The following TANGO6 variants were observed in gnomAD, a reference collection of about 807,000 sequenced individuals.
The protein encoded by TANGO6 is transport and golgi organization 6 homolog.
Under a neutral mutation model 114.2 loss-of-function variants are expected in TANGO6, and 90 were observed. The ratio of observed to expected loss-of-function variants is 0.79; its 90% CI spans 0.66 to 0.94. The LOEUF is 0.94. Among genes scored for constraint, TANGO6 ranks in the 40% least tolerant of loss-of-function variants. The pLI, the probability that TANGO6 is intolerant of heterozygous loss-of-function variation, is 0.00. For missense variants in TANGO6, 1,274 were observed against 1,315.3 expected (o/e 0.97, Z 0.49); for synonymous variants, 477 against 509.8 (o/e 0.94, Z 0.87).
chr16:69,009,940 G>A (rs1415925587), intron 15 of TANGO6, among the ~76,000 whole-genome samples: 1 of 152,186 alleles, frequency 6.6e-6, no homozygotes, highest in African/African-American at 2.4e-5. Flanking sequence ...TACTAAGAGC[G>A]AAATGGGTGT....
intron 7 of TANGO6, among the ~76,000 whole-genome samples, chr16:68,892,515 T>G (rs1962637372): frequency 6.6e-6 from 1 of 151,142 alleles, no homozygotes; most frequent in Non-Finnish European, 1.5e-5. Flanking sequence ...GTCTTTCTTT[T>G]TTTTTTTTTT....
At chr16:69,074,906 G>A (rs1960351575) in intron 17 of TANGO6, among the ~76,000 whole-genome samples, 1 of 151,464 alleles carries the variant, frequency 6.6e-6, no homozygotes, top group Admixed American at 6.6e-5. Context: ...AGTGTGAGGT[G>A]GCGCCATTCT....
intron 14 of TANGO6, among the ~76,000 whole-genome samples, chr16:68,967,864 G>C (rs534922658): frequency 1.1e-3 from 162 of 152,212 alleles, no homozygotes; most frequent in South Asian, 2.5e-3. Flanking sequence ...CCCTGTTAAT[G>C]CAAGAGTACT....
intron 1 of TANGO6, among the ~76,000 whole-genome samples, chr16:68,851,611 A>G (rs931976838): frequency 5.9e-5 from 9 of 152,218 alleles, no homozygotes; most frequent in East Asian, 1.9e-4. Flanking sequence ...TAATTTAAGA[A>G]GTACTGCAAT....
intron 14 of TANGO6, among the ~76,000 whole-genome samples, chr16:68,964,812 C>T (rs1963628944): frequency 1.3e-5 from 2 of 152,026 alleles, no homozygotes; most frequent in East Asian, 1.9e-4. Context: ...GTGATTCTTT[C>T]ACCCACCTCA....
At chr16:68,873,133 C>T (rs1055294525) in intron 4 of TANGO6, among the ~76,000 whole-genome samples, 12 of 151,548 alleles carry the variant, frequency 7.9e-5, no homozygotes, top group Non-Finnish European at 1.8e-4. Context: ...CCCAAAGAAG[C>T]CCTCATACTC....
intron 12 of TANGO6, among the ~76,000 whole-genome samples, chr16:68,925,790 A>G (rs1238123335): frequency 6.6e-6 from 1 of 151,776 alleles, no homozygotes; most frequent in African/African-American, 2.4e-5. Context: ...TTTTTGTGCA[A>G]GGTGCAAGGT....
At chr16:69,051,624 A>G (rs1239895048) in intron 17 of TANGO6, among the ~76,000 whole-genome samples, 1 of 152,214 alleles carries the variant, frequency 6.6e-6, no homozygotes, top group Non-Finnish European at 1.5e-5. Flanking sequence ...CAGAGGTTGC[A>G]GTGAGCTGAG....
chr16:69,027,550 T>C (rs1454257259), intron 16 of TANGO6, among the ~76,000 whole-genome samples: 1 of 152,140 alleles, frequency 6.6e-6, no homozygotes, highest in East Asian at 1.9e-4. Context: ...TTAGCAAATA[T>C]CTTGTTCTTT....
chr16:69,027,685 T>C (rs988362422), intron 16 of TANGO6, among the ~76,000 whole-genome samples: 45 of 152,148 alleles, frequency 3.0e-4, no homozygotes, highest in Non-Finnish European at 5.9e-5. Context: ...CATTTTTTTT[T>C]CTCTATTTTC....
chr16:68,848,272 CT>C (rs1264036296), intron 1 of TANGO6, among the ~76,000 whole-genome samples: 2 of 151,914 alleles, frequency 1.3e-5, no homozygotes, highest in African/African-American at 2.4e-5. Flanking sequence ...GACAGCTTTC[CT>C]TTTATTCTTT....
chr16:68,994,125 G>A (rs541123084), intron 15 of TANGO6, among the ~76,000 whole-genome samples: 1 of 152,328 alleles, frequency 6.6e-6, no homozygotes, highest in South Asian at 2.1e-4. Context: ...CGTAACTATA[G>A]AAGTCCTGGC....
intron 14 of TANGO6, among the ~76,000 whole-genome samples, chr16:68,957,634 A>G (rs954389539): frequency 2.0e-5 from 3 of 151,734 alleles, no homozygotes; most frequent in African/African-American, 7.3e-5. Context: ...CCCAACCTCA[A>G]ATCATCTGCC....
chr16:68,869,688 T>TTTCC (rs1178548399), intron 4 of TANGO6, among the ~76,000 whole-genome samples: 1 of 152,196 alleles, frequency 6.6e-6, no homozygotes, highest in African/African-American at 2.4e-5. Context: ...TGCCTGTTAG[T>TTTCC]TTCCTATTGT....
chr16:68,938,107 T>C (rs535123484), intron 14 of TANGO6, among the ~76,000 whole-genome samples: 3 of 152,342 alleles, frequency 2.0e-5, no homozygotes, highest in Non-Finnish European at 2.9e-5. Flanking sequence ...ATACTTGTTA[T>C]TGTCTGTCTT....
chr16:68,851,794 AGT>A (rs1240379776), intron 1 of TANGO6, among the ~76,000 whole-genome samples: 1 of 152,132 alleles, frequency 6.6e-6, no homozygotes, highest in Non-Finnish European at 1.5e-5. Context: ...AATGTATGAG[AGT>A]GTGTGTTTCC....
intron 1 of TANGO6, among the ~76,000 whole-genome samples, chr16:68,848,197 T>C (rs1961846333): frequency 6.6e-6 from 1 of 151,990 alleles, no homozygotes; most frequent in Non-Finnish European, 1.5e-5. Context: ...GCCTCAAACT[T>C]CTGGGCTCGG....
chr16:69,062,105 C>G (rs1005981347), intron 17 of TANGO6, among the ~76,000 whole-genome samples: 2 of 152,172 alleles, frequency 1.3e-5, no homozygotes, highest in African/African-American at 4.8e-5. Context: ...TGTTTAAGAA[C>G]AAATTTTTAA....
At chr16:69,050,231 G>A (rs1959925779) in intron 17 of TANGO6, among the ~76,000 whole-genome samples, 1 of 152,180 alleles carries the variant, frequency 6.6e-6, no homozygotes, top group Admixed American at 6.6e-5. Flanking sequence ...ATATCCTCAC[G>A]AACACTTGTT....
Sources: allele counts gnomAD v4.1 joint callset (sites outside exome capture counted in the v4.1 genomes callset), GRCh38; gene constraint gnomAD v4.1.1; transcripts MANE v1.5; gene names NCBI Gene and HGNC (gene_info 2026-07-23, HGNC 2026-07-21).